Variants in PTCHD4 observed in about 807,000 individuals in gnomAD.
The protein encoded by PTCHD4 is patched domain-containing protein 4.
A neutral mutation model predicts 58.1 loss-of-function variants in PTCHD4; 33 were observed. The observed-to-expected ratio is 0.57, with a 90% CI of 0.43 to 0.76. The LOEUF (loss-of-function observed/expected upper bound fraction) is 0.76, where lower values mean the gene tolerates loss of function less well. Among genes scored for constraint, PTCHD4 ranks in the 30% least tolerant of loss-of-function variants. PTCHD4 has a pLI of 0.00. For synonymous variants in PTCHD4, 478 were observed against 409.6 expected, an observed-to-expected ratio of 1.17 and a Z score of -2.02; for missense variants, 1,058 against 1,027.1, an observed-to-expected ratio of 1.03 and a Z score of -0.41.
At chr6:48,082,207 G>A (rs1305070561) in intron 1 of PTCHD4, among the ~76,000 whole-genome samples, 1 of 152,168 alleles carries the variant, frequency 6.6e-6, no homozygotes, top group Non-Finnish European at 1.5e-5. Flanking sequence ...GAGTTCAGGA[G>A]TCAGGAAATG....
At chr6:47,991,341 T>G (rs1364367265) in intron 4 of PTCHD4, among the ~76,000 whole-genome samples, 1 of 152,130 alleles carries the variant, frequency 6.6e-6, no homozygotes, top group East Asian at 1.9e-4. Flanking sequence ...TTATTTTCAA[T>G]ATAATAAAGG....
intron 4 of PTCHD4, among the ~76,000 whole-genome samples, chr6:47,993,744 C>T (rs551583645): frequency 6.6e-6 from 1 of 152,002 alleles, no homozygotes; most frequent in South Asian, 2.1e-4. Context: ...GACTTCAGAT[C>T]CAGCAGGACA....
intron 4 of PTCHD4, 130 bp from the exon 5 acceptor site, chr6:47,880,066 C>G (rs1053905843): frequency 2.7e-6 from 2 of 750,762 alleles, no homozygotes; most frequent in Non-Finnish European, 4.0e-6. Context: ...ATCCTCCTAT[C>G]AGGGCCTCAA....
At chr6:47,943,305 A>G (rs1766301748) in intron 4 of PTCHD4, among the ~76,000 whole-genome samples, 1 of 152,138 alleles carries the variant, frequency 6.6e-6, no homozygotes, top group Non-Finnish European at 1.5e-5. Context: ...ATTGTGCACA[A>G]AACTTAAGAT....
At chr6:47,982,733 C>T (rs1581970112) in intron 4 of PTCHD4, among the ~76,000 whole-genome samples, 3 of 152,180 alleles carry the variant, frequency 2.0e-5, no homozygotes, top group East Asian at 3.9e-4. Context: ...GTGATCCGCC[C>T]GTCTCGGCCT....
chr6:48,030,458 C>T (rs1387574051), intron 3 of PTCHD4, among the ~76,000 whole-genome samples: 1 of 152,024 alleles, frequency 6.6e-6, no homozygotes, highest in African/African-American at 2.4e-5. Flanking sequence ...AATTTTTATC[C>T]TACCTTCCTG....
Position 48,070,151 on chromosome 6 carries a change from GTGTGTATA to G in PTCHD4, c.-969-233_-969-226del, listed in dbSNP as rs954520243. 8.7e-5 allele frequency among the ~76,000 whole-genome samples: 13 copies of G among 149,148 alleles called. No homozygotes were observed. The South Asian group carries it at 1.4e-3, about 16-fold the overall frequency. On this transcript the variant is annotated intron_variant, in intron 1 of 4. Coordinates refer to ENST00000339488, the MANE Select transcript of PTCHD4 (RefSeq NM_001384253.1). The stretch of plus-strand genomic sequence containing the variant: ...TGTGTGTGTGTGTGTGTGTGTGTGT[GTGTGTATA>G]TATATATATGAATTTTTTAGGGCAA...
rs139396075 is a variant in PTCHD4 at position 48,069,709 on chromosome 6, A to G, written c.-752T>C. On this transcript the variant is annotated 5_prime_UTR_variant, in exon 2 of 5. Transcript: ENST00000339488. ...GTGTGTATTGAAAGTGAAGATCTAC[A>G]GGCAATATGAGGTTTCTCATAACAT... Among the ~76,000 whole-genome samples the G allele has an allele frequency of 4.5e-4, 69 of 152,230 alleles. 1 individual carries two copies. Among genetic ancestry groups the G allele is most frequent in the Non-Finnish European group, 7.6e-4 (52 of 68,016 alleles).
chr6:48,019,556 G>A (rs183079152), intron 3 of PTCHD4, among the ~76,000 whole-genome samples: 1 of 152,220 alleles, frequency 6.6e-6, no homozygotes, highest in Admixed American at 6.5e-5. Context: ...CTAACATGGT[G>A]AAACCCTTTC....
chr6:48,079,234 C>G (rs1342874144), intron 1 of PTCHD4, among the ~76,000 whole-genome samples: 1 of 151,848 alleles, frequency 6.6e-6, no homozygotes, highest in Non-Finnish European at 1.5e-5. Context: ...CAGAGAGAAA[C>G]CTGCTTATTA....
In PTCHD4 at chr6:47,867,180, G is replaced by A. The variant is rs1178393407; in HGVS notation, c.*11123C>T. ...AGTTAATTGGAGTGTATTAGTTTGA[G>A]CTGTTTGTTCTGGAGAGTTTGGGTT... On this transcript the variant is annotated 3_prime_UTR_variant, in exon 5 of 5. Transcript: ENST00000339488. Among the ~76,000 whole-genome samples, 1 of 151,690 alleles carries A rather than the reference G, an allele frequency of 6.6e-6. No individual in the cohort carries two copies. The highest frequency in any genetic ancestry group is 1.5e-5 in the Non-Finnish European group (1 of 67,814).
Position 48,065,155 on chromosome 6 carries a change from T to C in PTCHD4, c.417+3075A>G, listed in dbSNP as rs575573442. ...TTTGGAAGATGACCTTCTGTTGTCA[T>C]AACAAAGGTTTCTGACCACTTCTGT... On this transcript the variant is annotated intron_variant, in intron 3 of 4. Transcript: ENST00000339488. Among the ~76,000 whole-genome samples, 28 of 152,326 alleles carry C rather than the reference T, an allele frequency of 1.8e-4. No individual in the cohort carries two copies. In the South Asian group the frequency reaches 5.6e-3, roughly 30 times the overall value.
rs568111719 is a variant in PTCHD4, at chr6:47,939,620, T to G, written c.899-59684A>C. On this transcript the variant is annotated intron_variant, in intron 4 of 4. Coordinates refer to ENST00000339488, the MANE Select transcript of PTCHD4 (RefSeq NM_001384253.1). ...GGCTGGTTTCTGTATCTATCCTTTGTGTGCAACGTGACCTTGCACCAGTTG... is the reference window on the plus strand; with the variant it reads ...GGCTGGTTTCTGTATCTATCCTTTGGGTGCAACGTGACCTTGCACCAGTTG... 2.6e-5 allele frequency among the ~76,000 whole-genome samples: 4 copies of G among 152,272 alleles called. No homozygotes were observed. In the South Asian group the frequency reaches 6.2e-4, roughly 24 times the overall value.
In PTCHD4 at chr6:47,879,946, TA is replaced by T. The variant is rs755990996; in HGVS notation, c.899-11del. 3.8e-4 allele frequency: 566 copies of T among 1,487,928 alleles called. 5 individuals are homozygous for T. Among genetic ancestry groups the T allele is most frequent in the Non-Finnish European group, 4.8e-4 (538 of 1,119,478 alleles). 92.2% of individuals were successfully genotyped at this position (1,487,928 alleles called of 1,614,324 possible). A position where few individuals can be genotyped will look rare whatever the true frequency, so the allele number is the denominator to read the frequency against. ...CCTTTAGTTCCATGACCTAATGTTT[TA>T]AAAAAAGAAAATAATAATTATTTTT... On this transcript the variant is annotated splice_polypyrimidine_tract_variant and intron_variant, in intron 4 of 4. Coordinates refer to ENST00000339488, the MANE Select transcript of PTCHD4 (RefSeq NM_001384253.1).
chr6:47,907,192 A>T (rs76209589), intron 4 of PTCHD4, among the ~76,000 whole-genome samples: 4,111 of 152,282 alleles, frequency 0.027, 192 homozygotes, highest in African/African-American at 0.094. Flanking sequence ...AACTTTTCTC[A>T]GTAGAAGACT....
At chr6:47,904,602 C>G (rs1764817577) in intron 4 of PTCHD4, among the ~76,000 whole-genome samples, 1 of 152,140 alleles carries the variant, frequency 6.6e-6, no homozygotes, top group Admixed American at 6.5e-5. Context: ...CAAAATAGAA[C>G]AGGAGCAAAC....
intron 4 of PTCHD4, among the ~76,000 whole-genome samples, chr6:47,935,064 A>T (rs1218288202): frequency 1.3e-5 from 2 of 152,178 alleles, no homozygotes; most frequent in Admixed American, 1.3e-4. Context: ...AGTGAATATT[A>T]TTTAATTTCC....
At chr6:48,056,796 A>T (rs1405927644) in intron 3 of PTCHD4, among the ~76,000 whole-genome samples, 1 of 152,114 alleles carries the variant, frequency 6.6e-6, no homozygotes, top group African/African-American at 2.4e-5. Context: ...CTTCTGGCTG[A>T]TGATCACTGC....
chr6:48,020,750 C>T (rs548976370), intron 3 of PTCHD4, among the ~76,000 whole-genome samples: 19 of 152,108 alleles, frequency 1.2e-4, no homozygotes, highest in African/African-American at 4.6e-4. Context: ...AGTGAAGATA[C>T]GTGCTGGGGC....
Sources: allele counts gnomAD v4.1 joint callset (sites outside exome capture counted in the v4.1 genomes callset), GRCh38; gene constraint gnomAD v4.1.1; transcripts MANE v1.5; gene names NCBI Gene and HGNC (gene_info 2026-07-23, HGNC 2026-07-21).